The following FARP1 variants were observed in gnomAD, a reference collection of about 807,000 sequenced individuals.
FARP1 encodes the protein FERM, ARH/RhoGEF and pleckstrin domain protein 1, also known as FERM, ARHGEF and pleckstrin domain-containing protein 1.
FARP1 carries 52 observed loss-of-function variants against 128.8 expected under a neutral mutation model. The ratio of observed to expected loss-of-function variants is 0.40; its 90% CI spans 0.32 to 0.51. The LOEUF (loss-of-function observed/expected upper bound fraction) is 0.51, where lower values mean the gene tolerates loss of function less well. Ranked by LOEUF, FARP1 falls within the 20% of genes least tolerant of loss-of-function variation. FARP1 has a pLI of 0.45. For synonymous variants in FARP1, 580 were observed against 551.8 expected, an observed-to-expected ratio of 1.05 and a Z score of -0.72; for missense variants, 1,333 against 1,367.9, an observed-to-expected ratio of 0.97 and a Z score of 0.40.
intron 1 of FARP1, among the ~76,000 whole-genome samples, chr13:98,167,558 G>A (rs1457716875): frequency 2.0e-5 from 3 of 151,502 alleles, no homozygotes; most frequent in African/African-American, 4.9e-5. Flanking sequence ...TATAGGTGTC[G>A]ACCACCACGC....
rs78449661 is a variant in FARP1, at chr13:98,228,130, G to A, written c.171+14717G>A. 4.9e-4 allele frequency among the ~76,000 whole-genome samples: 75 copies of A among 152,286 alleles called. 1 individual carries two copies. The highest frequency in any genetic ancestry group is 3.5e-3 in the East Asian group (18 of 5,176). On this transcript the variant is annotated intron_variant, in intron 2 of 26. Transcript: ENST00000319562. ...TCCCAGCACTTTGGGAGGCCAGGGC[G>A]GGTGGATCACCTGAAGTCAGGAGTT...
intron 2 of FARP1, chr13:98,244,657 G>A (rs1193513692): frequency 6.2e-7 from 1 of 1,614,250 alleles, no homozygotes; most frequent in Admixed American, 1.7e-5. Context: ...AACTGGGCTG[G>A]AAGTAGAAGC....
intron 2 of FARP1, among the ~76,000 whole-genome samples, chr13:98,269,189 C>T (rs902731756): frequency 3.9e-5 from 6 of 152,196 alleles, no homozygotes; most frequent in Non-Finnish European, 8.8e-5. Flanking sequence ...TCTACCCTAC[C>T]TTCCCTCAGT....
intron 6 of FARP1, among the ~76,000 whole-genome samples, chr13:98,383,091 C>T (rs753223973): frequency 2.0e-5 from 3 of 152,190 alleles, no homozygotes; most frequent in Non-Finnish European, 2.9e-5. Context: ...CGTATTTCCC[C>T]TAGGAGAAAT....
intron 1 of FARP1, among the ~76,000 whole-genome samples, chr13:98,174,629 C>G (rs988013841): frequency 6.6e-6 from 1 of 152,168 alleles, no homozygotes; most frequent in Admixed American, 6.5e-5. Context: ...TTAGAGAAAG[C>G]TCTATGTGAA....
In FARP1 at chr13:98,262,311, A is replaced by G. The variant is rs1158573677; in HGVS notation, c.171+48898A>G. ...GCTGGGATTACAGGCATGAGCCACT[A>G]TGCCTGGCAATACTGCATTCTTTTA... On this transcript the variant is annotated intron_variant, in intron 2 of 26. Transcript: ENST00000319562. 5.3e-5 allele frequency among the ~76,000 whole-genome samples: 8 copies of G among 151,710 alleles called. 1 individual carries two copies. The Middle Eastern group carries it at 0.02, about 387-fold the overall frequency.
chr13:98,351,783 A>C (rs1314221815), intron 3 of FARP1, among the ~76,000 whole-genome samples: 1 of 152,074 alleles, frequency 6.6e-6, no homozygotes, highest in African/African-American at 2.4e-5. Flanking sequence ...GGGAGGCACC[A>C]CACACAAACA....
At chr13:98,258,150 G>A (rs918725514) in intron 2 of FARP1, among the ~76,000 whole-genome samples, 1 of 152,058 alleles carries the variant, frequency 6.6e-6, no homozygotes, top group Non-Finnish European at 1.5e-5. Context: ...TGTATTTTTA[G>A]TAGAGATGGG....
chr13:98,409,904 A>G (rs1029793973), intron 14 of FARP1, among the ~76,000 whole-genome samples: 3 of 152,192 alleles, frequency 2.0e-5, no homozygotes, highest in Admixed American at 1.3e-4. Flanking sequence ...GTCTTCATGG[A>G]TCATCCATAT....
chr13:98,176,592 G>T lies in FARP1; in HGVS notation c.-24+33100G>T. On this transcript the variant is annotated intron_variant, in intron 1 of 26. Transcript: ENST00000319562. The surrounding 1 kb of genome is among the most constrained non-coding windows in gnomAD (Gnocchi z 6.2). ...ACCCGAGCTTGTAATCGGAACGGTC[G>T]TGGAGGAATTTGCAGCTGTCCCCGA... is the stretch of plus-strand genomic sequence containing the variant. The T allele has an allele frequency of 6.2e-7, 1 of 1,614,198 alleles. No individual in the cohort carries two copies. The highest frequency in any genetic ancestry group is 8.5e-7 in the Non-Finnish European group (1 of 1,180,044).
chr13:98,247,155 T>A (rs965951426), intron 2 of FARP1, among the ~76,000 whole-genome samples: 32 of 152,164 alleles, frequency 2.1e-4, no homozygotes, highest in African/African-American at 7.5e-4. Flanking sequence ...GGCAGAAGAA[T>A]CACTGGAACC....
intron 1 of FARP1, among the ~76,000 whole-genome samples, chr13:98,165,040 C>A (rs1877144936): frequency 6.6e-6 from 1 of 151,826 alleles, no homozygotes; most frequent in Non-Finnish European, 1.5e-5. Flanking sequence ...CATGGCAAAA[C>A]CCTGTCTTTA....
intron 1 of FARP1, chr13:98,204,145 G>T (rs1318518286): frequency 6.6e-6 from 1 of 152,228 alleles, no homozygotes; most frequent in Non-Finnish European, 1.5e-5. Flanking sequence ...AATGAACCCT[G>T]ACGATCAATG....
rs1260100936 is a variant in FARP1 at position 98,454,584 on chromosome 13, C to A, written c.*6267C>A. The A allele has an allele frequency of 1.3e-5, 2 of 152,200 alleles. No homozygotes were observed. The allele number at this position is 152,200 out of a possible 1,614,324, so 9.4% of individuals were successfully genotyped here. On this transcript the variant is annotated 3_prime_UTR_variant, in exon 27 of 27. Transcript: ENST00000319562. The stretch of plus-strand genomic sequence containing the variant: ...AATCACGGGATGAGTTGATGTCACA[C>A]AAAAGAATCCAAACATTAATTCCAG...
At chr13:98,353,518 A>C (rs1888520554) in intron 3 of FARP1, among the ~76,000 whole-genome samples, 1 of 152,142 alleles carries the variant, frequency 6.6e-6, no homozygotes, top group Admixed American at 6.5e-5. Flanking sequence ...AGCTAGGATC[A>C]CAGGCATGTG....
intron 2 of FARP1, among the ~76,000 whole-genome samples, chr13:98,262,895 A>C (rs1883946485): frequency 6.6e-6 from 1 of 152,212 alleles, no homozygotes; most frequent in Non-Finnish European, 1.5e-5. Flanking sequence ...CCTGGTATAA[A>C]TGTTGACTGT....
intron 2 of FARP1, among the ~76,000 whole-genome samples, chr13:98,304,711 G>A (rs1886065298): frequency 6.6e-6 from 1 of 152,200 alleles, no homozygotes; most frequent in Non-Finnish European, 1.5e-5. Flanking sequence ...CGATGCTGAT[G>A]TTTCTGTCTG....
chr13:98,287,618 A>C (rs551457976), intron 2 of FARP1, among the ~76,000 whole-genome samples: 17 of 151,728 alleles, frequency 1.1e-4, no homozygotes, highest in Non-Finnish European at 2.2e-4. Flanking sequence ...TTTGCCCCCT[A>C]CCTGTTATTT....
At chr13:98,349,960 G>A (rs1163324918) in intron 3 of FARP1, among the ~76,000 whole-genome samples, 3 of 152,104 alleles carry the variant, frequency 2.0e-5, no homozygotes, top group Non-Finnish European at 4.4e-5. Context: ...GTGCTTAGCC[G>A]CAGCGTCTGC....
Sources: gnomAD v4.1 joint callset for allele counts (sites outside exome capture counted in the v4.1 genomes callset) on GRCh38, gnomAD v4.1.1 for gene constraint, Gnocchi (gnomAD v3.1) non-coding constraint, MANE v1.5 for transcripts, NCBI Gene and HGNC (gene_info 2026-07-23, HGNC 2026-07-21) for gene names.